The following RTTN variants were observed in gnomAD, a reference collection of about 807,000 sequenced individuals.
RTTN encodes the protein rotatin.
In RTTN, 182 loss-of-function variants were observed where a neutral mutation model predicts 269.2. That is an observed-to-expected ratio of 0.68 (90% CI 0.60 to 0.76). RTTN has a LOEUF of 0.76. Ranked by LOEUF, RTTN falls within the 30% of genes least tolerant of loss-of-function variation. The pLI, the probability that RTTN is intolerant of heterozygous loss-of-function variation, is 0.00. For synonymous variants in RTTN, 1,006 were observed against 963.5 expected, an observed-to-expected ratio of 1.04 and a Z score of -0.82; for missense variants, 2,545 against 2,608.6, an observed-to-expected ratio of 0.98 and a Z score of 0.53.
chr18:70,127,400 G>T, intron 25 of RTTN, 102 bp downstream of exon 25: 1 of 1,286,970 alleles, frequency 7.8e-7, no homozygotes, highest in East Asian at 2.4e-5. Flanking sequence ...TTCTATGATA[G>T]CAGCAGTAAG....
chr18:70,203,461 C>A (rs1203021984), intron 3 of RTTN, among the ~76,000 whole-genome samples: 1 of 152,038 alleles, frequency 6.6e-6, no homozygotes, highest in Non-Finnish European at 1.5e-5. Context: ...CCCAAAGTGC[C>A]GGGATTACAG....
chr18:70,128,279 C>T (rs1371735367), intron 24 of RTTN, 79 bp downstream of exon 24: 14 of 1,215,716 alleles, frequency 1.2e-5, no homozygotes, highest in East Asian at 2.5e-5. Context: ...GCTACTGGAC[C>T]TAAGGAAAAA....
chr18:70,173,570 T>TTAA (rs1423115990), intron 11 of RTTN, among the ~76,000 whole-genome samples: 1 of 151,922 alleles, frequency 6.6e-6, no homozygotes, highest in Non-Finnish European at 1.5e-5. Flanking sequence ...CTGCAAATGT[T>TTAA]TAATAACTAA....
chr18:70,086,329 TCAAA>T (rs1048849478), intron 32 of RTTN, among the ~76,000 whole-genome samples: 139 of 152,226 alleles, frequency 9.1e-4, no homozygotes, highest in Middle Eastern at 3.4e-3. Flanking sequence ...AGTTCACAAC[TCAAA>T]CAATTATACA....
At chr18:70,004,719 T>C (rs1277775818) in intron 48 of RTTN, among the ~76,000 whole-genome samples, 1 of 152,148 alleles carries the variant, frequency 6.6e-6, no homozygotes, top group Non-Finnish European at 1.5e-5. Flanking sequence ...GTTCAGAGAA[T>C]AACGCTCACT....
chr18:70,079,116 C>A (rs1263638168), intron 32 of RTTN, among the ~76,000 whole-genome samples: 1 of 151,562 alleles, frequency 6.6e-6, no homozygotes, highest in Non-Finnish European at 1.5e-5. Context: ...GTGGTAACTC[C>A]CTGAAGAATT....
chr18:70,204,084 A>AC lies in RTTN; in HGVS notation c.397+1dup, dbSNP rs2062018709. The AC allele has an allele frequency of 6.3e-7, 1 of 1,589,954 alleles. No homozygotes were observed. Among genetic ancestry groups the AC allele is most frequent in the African/African-American group, 1.4e-5 (1 of 74,018 alleles). ...TGTATTTAACAGATTCCAAAGAGTT[A>AC]CCAGTTTGATTGGTTTGGTATGAGG... On this transcript the variant is annotated splice_donor_variant, in intron 3 of 48. Transcript: ENST00000640769. LOFTEE classifies it high-confidence loss of function.
chr18:70,073,784 AG>A, intron 34 of RTTN, 121 bp downstream of exon 34: 3 of 648,420 alleles, frequency 4.6e-6, no homozygotes, highest in Non-Finnish European at 8.1e-6. Flanking sequence ...TTCTGCAGAA[AG>A]CACTTCGAAT....
At chr18:70,170,511 G>A (rs796513013) in intron 11 of RTTN, among the ~76,000 whole-genome samples, 21 of 152,306 alleles carry the variant, frequency 1.4e-4, no homozygotes, top group African/African-American at 4.8e-4. Context: ...GAAGGGTCAG[G>A]AGCCACGTGG....
intron 37 of RTTN, among the ~76,000 whole-genome samples, chr18:70,055,398 G>A (rs1232059634): frequency 6.6e-6 from 1 of 152,046 alleles, no homozygotes; most frequent in Non-Finnish European, 1.5e-5. Context: ...AGAGCCTGTT[G>A]TAAATTTGTG....
chr18:70,082,422 A>AC (rs35751208), intron 32 of RTTN, among the ~76,000 whole-genome samples: 129,368 of 152,080 alleles, frequency 0.85, 57,266 homozygotes, highest in East Asian at 1. Flanking sequence ...ATGAACTGAG[A>AC]AAATTACATC....
At chr18:70,164,377 A>G (rs1599858853) in intron 14 of RTTN, among the ~76,000 whole-genome samples, 1 of 140,160 alleles carries the variant, frequency 7.1e-6, no homozygotes, top group South Asian at 2.3e-4. Context: ...ATGCCCAGCT[A>G]TTTTTTTTTT....
At chr18:70,050,230 A>C (rs2057619724) in intron 39 of RTTN, among the ~76,000 whole-genome samples, 1 of 152,264 alleles carries the variant, frequency 6.6e-6, no homozygotes, top group South Asian at 2.1e-4. Context: ...TTTACAAGAA[A>C]AAAACAAACA....
At chr18:70,164,110 T>G (rs114914412) in intron 14 of RTTN, among the ~76,000 whole-genome samples, 81 of 152,236 alleles carry the variant, frequency 5.3e-4, no homozygotes, top group African/African-American at 1.8e-3. Flanking sequence ...AAAGTTTCAA[T>G]TTGGGAGATG....
intron 26 of RTTN, among the ~76,000 whole-genome samples, chr18:70,115,156 G>T (rs1265936790): frequency 6.6e-6 from 1 of 151,898 alleles, no homozygotes; most frequent in Admixed American, 6.6e-5. Flanking sequence ...TATGAATTCT[G>T]CAATAAAATT....
chr18:70,086,694 TAAAAAAAAAAAAAAAAAAA>T lies in RTTN; in HGVS notation c.4303-29_4303-11del, dbSNP rs531741265. 2,889 of 485,790 alleles carry T rather than the reference TAAAAAAAAAAAAAAAAAAA, an allele frequency of 5.9e-3. No homozygotes were observed. Among genetic ancestry groups the T allele is most frequent in the Middle Eastern group, 0.011 (17 of 1,592 alleles). The allele number at this position is 485,790 out of a possible 1,614,324, so 30.1% of individuals were successfully genotyped here. ...GAAGAATAAATGCCGCCTGAAAATGTAAAAAAAAAAAAAAAAAAAAAAAAAAAAAAAAAAAAAAAGGTCA... is the reference window on the plus strand; with the variant it reads ...GAAGAATAAATGCCGCCTGAAAATGTAAAAAAAAAAAAAAAAAAAAGGTCA... On this transcript the variant is annotated splice_polypyrimidine_tract_variant and intron_variant, in intron 31 of 48. Coordinates refer to ENST00000640769, the MANE Select transcript of RTTN (RefSeq NM_173630.4).
chr18:70,054,224 C>T lies in RTTN; in HGVS notation c.5092G>A (p.Val1698Met). ...TCCTGAATCACAAGGTCAGGCTCCA[C>T]CAATAAACATGACTGCAGAAGCCTG... ...LSRLLQSCLL[V>M]EPDLVIQDEL... The change falls in exon 38 of 49, where the codon GTG becomes ATG. Residue 1698 changes from valine to methionine, a missense_variant. By Grantham distance (21) the Val-to-Met change is conservative (BLOSUM62 1). Transcript: ENST00000640769. 1 of 1,613,798 alleles carries T rather than the reference C, an allele frequency of 6.2e-7. No individual in the cohort carries two copies. The highest frequency in any genetic ancestry group is 8.5e-7 in the Non-Finnish European group (1 of 1,179,894).
chr18:70,103,328 T>C (rs1033202989), intron 28 of RTTN, among the ~76,000 whole-genome samples: 4 of 151,010 alleles, frequency 2.6e-5, no homozygotes, highest in African/African-American at 9.8e-5. Context: ...GGGGGAAATG[T>C]GGGGAAAAGA....
At chr18:70,180,179 CA>C (rs921927976) in intron 10 of RTTN, among the ~76,000 whole-genome samples, 1 of 151,994 alleles carries the variant, frequency 6.6e-6, no homozygotes, top group African/African-American at 2.4e-5. Context: ...ATTTAAAACT[CA>C]GTTCATTCAG....
Sources: allele counts gnomAD v4.1 joint callset (sites outside exome capture counted in the v4.1 genomes callset), GRCh38; gene constraint gnomAD v4.1.1; transcripts MANE v1.5; gene names NCBI Gene and HGNC (gene_info 2026-07-23, HGNC 2026-07-21).